ITGB3BP: variants seen among roughly 807,000 people sequenced by gnomAD.
The protein encoded by ITGB3BP is integrin subunit beta 3 binding protein.
A neutral mutation model predicts 29.1 loss-of-function variants in ITGB3BP; 27 were observed. The observed-to-expected ratio is 0.93, with a 90% confidence interval of 0.68 to 1.28. The LOEUF is 1.28. ITGB3BP is among the 50% of genes most tolerant of loss of function. The probability of loss-of-function intolerance (pLI) is 0.00; values close to 1 mark genes in which losing one functional copy is unlikely to be tolerated. For missense variants in ITGB3BP, 192 were observed against 200.2 expected (o/e 0.96, Z 0.25); for synonymous variants, 61 against 61.4 (o/e 0.99, Z 0.03).
chr1:63,516,693 G>C (rs1366035454), intron 1 of ITGB3BP, among the ~76,000 whole-genome samples: 2 of 135,458 alleles, frequency 1.5e-5, no homozygotes, highest in Non-Finnish European at 3.1e-5. Context: ...CTGGGTGACA[G>C]AGTAAGACCT....
intron 4 of ITGB3BP, among the ~76,000 whole-genome samples, chr1:63,475,282 C>T (rs1173259821): frequency 1.3e-5 from 2 of 152,138 alleles, no homozygotes; most frequent in Admixed American, 6.5e-5. Context: ...TGGCAATATT[C>T]CATTTAATTT....
chr1:63,454,304 T>G lies in ITGB3BP; in HGVS notation c.427+76A>C. On this transcript the variant is annotated intron_variant, in intron 6 of 8. Transcript: ENST00000271002. The surrounding 1 kb of genome is among the most constrained non-coding windows in gnomAD (Gnocchi z 4.1). The stretch of plus-strand genomic sequence containing the variant: ...TCCAGTAATGGTATATATAAAGAAG[T>G]CTATCAAATGTAAATGAGACAAATT... The G allele has an allele frequency of 4.3e-6, 3 of 693,304 alleles. No homozygotes were observed. Among genetic ancestry groups the G allele is most frequent in the Non-Finnish European group, 7.5e-6 (3 of 401,790 alleles). 42.9% of individuals were successfully genotyped at this position (693,304 alleles called of 1,614,324 possible).
intron 2 of ITGB3BP, among the ~76,000 whole-genome samples, chr1:63,504,256 T>G (rs2100752342): frequency 6.6e-6 from 1 of 152,040 alleles, no homozygotes; most frequent in Middle Eastern, 3.4e-3. Context: ...TTCCTAGGTA[T>G]TTTATTCTCT....
upstream of ITGB3BP, among the ~76,000 whole-genome samples, chr1:63,523,878 A>C (rs1472460923): frequency 6.6e-6 from 1 of 151,938 alleles, no homozygotes; most frequent in East Asian, 1.9e-4. Context: ...TTCTGTTTTC[A>C]CTTGGCCCTG....
chr1:63,462,899 A>G (rs1645039952), intron 4 of ITGB3BP, among the ~76,000 whole-genome samples: 1 of 152,204 alleles, frequency 6.6e-6, no homozygotes, highest in African/African-American at 2.4e-5. Context: ...AGAAATAACA[A>G]AAAATACACA....
At chr1:63,493,088 A>ACATGCGCG (rs372348238) in intron 2 of ITGB3BP, among the ~76,000 whole-genome samples, 10 of 148,726 alleles carry the variant, frequency 6.7e-5, no homozygotes, top group African/African-American at 2.5e-4. Context: ...ACACACACAC[A>ACATGCGCG]CGCGCGCGCG....
chr1:63,488,265 A>T (rs1645570590), intron 3 of ITGB3BP, among the ~76,000 whole-genome samples: 1 of 152,036 alleles, frequency 6.6e-6, no homozygotes, highest in Non-Finnish European at 1.5e-5. Context: ...CATGACTGAC[A>T]AATAGCAAGA....
At chr1:63,512,946 C>T (rs1196643464) in intron 1 of ITGB3BP, among the ~76,000 whole-genome samples, 1 of 152,090 alleles carries the variant, frequency 6.6e-6, no homozygotes, top group Non-Finnish European at 1.5e-5. Flanking sequence ...AGACTGCAGG[C>T]CATTTTTATT....
chr1:63,444,460 C>CATGATGGATAT (rs1644764764), intron 8 of ITGB3BP, among the ~76,000 whole-genome samples: 1 of 10,074 alleles, frequency 9.9e-5, no homozygotes, highest in Non-Finnish European at 1.4e-4. Flanking sequence ...ATATATATTA[C>CATGATGGATAT]ATATAGGATA....
intron 1 of ITGB3BP, among the ~76,000 whole-genome samples, chr1:63,516,488 CT>C (rs941778257): frequency 2.6e-5 from 4 of 151,436 alleles, no homozygotes; most frequent in African/African-American, 9.7e-5. Context: ...TTTTAGGAGG[CT>C]AAGGCATGAG....
intron 2 of ITGB3BP, among the ~76,000 whole-genome samples, chr1:63,499,912 C>T (rs1049189931): frequency 6.6e-6 from 1 of 152,054 alleles, no homozygotes; most frequent in South Asian, 2.1e-4. Context: ...GGATTCTTTC[C>T]CTCTAAGATC....
chr1:63,459,720 G>A (rs187115905), intron 4 of ITGB3BP, among the ~76,000 whole-genome samples: 17 of 152,030 alleles, frequency 1.1e-4, no homozygotes, highest in Admixed American at 7.9e-4. Context: ...TTAATTATCC[G>A]GGTTTTATAA....
At chr1:63,506,706 C>A (rs1646088843) in intron 2 of ITGB3BP, among the ~76,000 whole-genome samples, 1 of 152,132 alleles carries the variant, frequency 6.6e-6, no homozygotes, top group African/African-American at 2.4e-5. Flanking sequence ...ATGGCCATTG[C>A]TTAGGATGAA....
At chr1:63,507,621 C>T (rs2100769598) in intron 2 of ITGB3BP, among the ~76,000 whole-genome samples, 2 of 152,282 alleles carry the variant, frequency 1.3e-5, no homozygotes, top group East Asian at 1.9e-4. Flanking sequence ...TTCTAAATTG[C>T]TAATTATACT....
In ITGB3BP at chr1:63,514,707, G is replaced by A. The variant is rs889213482; in HGVS notation, c.6-6137C>T. ...TCACACCTCTAATCCCATCACTTTG[G>A]GAGGCCAAGGTGGGCAGACCACAAG... On this transcript the variant is annotated intron_variant, in intron 1 of 8. Coordinates refer to ENST00000271002, the MANE Select transcript of ITGB3BP (RefSeq NM_014288.5). Among the ~76,000 whole-genome samples the A allele has an allele frequency of 7.2e-5, 11 of 152,076 alleles. No homozygotes were observed. In the East Asian group the frequency reaches 1.9e-3, roughly 27 times the overall value.
At chr1:63,497,615 T>G (rs1416415351) in intron 2 of ITGB3BP, among the ~76,000 whole-genome samples, 1 of 152,142 alleles carries the variant, frequency 6.6e-6, no homozygotes, top group Non-Finnish European at 1.5e-5. Flanking sequence ...AGCTTTTATA[T>G]AGGTGCAAAA....
In ITGB3BP at chr1:63,519,933, C is replaced by T. The variant is rs535649171; in HGVS notation, c.5+3196G>A. On this transcript the variant is annotated intron_variant, in intron 1 of 8. Coordinates refer to ENST00000271002, the MANE Select transcript of ITGB3BP (RefSeq NM_014288.5). ...ACTGTTACTGTTACGAATAGTTTTT[C>T]TACAACACTAATGCTATTCCAACTT... 2.0e-5 allele frequency among the ~76,000 whole-genome samples: 3 copies of T among 152,214 alleles called. No individual in the cohort carries two copies. The South Asian group carries it at 6.2e-4, about 32-fold the overall frequency.
chr1:63,506,695 T>C (rs1288750225), intron 2 of ITGB3BP, among the ~76,000 whole-genome samples: 4 of 152,168 alleles, frequency 2.6e-5, no homozygotes, highest in African/African-American at 9.6e-5. Flanking sequence ...TATCTCTGGA[T>C]ATGGCCATTG....
At chr1:63,445,240 C>CCA in intron 8 of ITGB3BP, among the ~76,000 whole-genome samples, 1 of 152,184 alleles carries the variant, frequency 6.6e-6, no homozygotes. Context: ...GAGCCGAGAT[C>CCA]GTGCCACTGC....
Sources: gnomAD v4.1 joint callset for allele counts (sites outside exome capture counted in the v4.1 genomes callset) on GRCh38, gnomAD v4.1.1 for gene constraint, Gnocchi (gnomAD v3.1) non-coding constraint, MANE v1.5 for transcripts, NCBI Gene and HGNC (gene_info 2026-07-23, HGNC 2026-07-21) for gene names.